CD99: variants seen among roughly 807,000 people sequenced by gnomAD.
CD99 encodes the protein CD99 antigen.
In CD99, 19 loss-of-function variants were observed where a neutral mutation model predicts 28.4. That is an observed-to-expected ratio of 0.67 (90% CI 0.47 to 0.98). The LOEUF is 0.98. CD99 is among the 50% of genes least tolerant of loss of function. CD99 has a pLI of 0.00. For synonymous variants in CD99, 103 were observed against 92.1 expected, an observed-to-expected ratio of 1.12 and a Z score of -0.67; for missense variants, 283 against 248.8, an observed-to-expected ratio of 1.14 and a Z score of -0.92.
Position 2,728,200 on chromosome X carries a change from CTTT to C in CD99, c.475+1847_475+1849del, listed in dbSNP as rs892410632. Reference sequence around the variant, plus strand: ...AGTGGGAAATGGTGTTTGGTTGTTTCTTTTTTTTTTTTTTTTTTTTTTGAGATG... The same window carrying C: ...AGTGGGAAATGGTGTTTGGTTGTTTCTTTTTTTTTTTTTTTTTTTGAGATG... On this transcript the variant is annotated intron_variant, in intron 8 of 9. Transcript: ENST00000381192. Among the ~76,000 whole-genome samples the C allele has an allele frequency of 4.7e-3, 500 of 106,922 alleles. 12 individuals are homozygous for C. In the East Asian group the frequency reaches 0.089, roughly 19 times the overall value. 70.1% of individuals were successfully genotyped at this position (106,922 alleles called of 152,430 possible).
Position 2,719,960 on chromosome X carries a change from G to T in CD99, c.193+255G>T, listed in dbSNP as rs192846094. On this transcript the variant is annotated intron_variant, in intron 4 of 9. Transcript: ENST00000381192. ...GACAAATGTGCCTACCCTGGCCAGG[G>T]CTGGCTTCACCAGCATGTGACCTGT... Among the ~76,000 whole-genome samples, 171 of 152,270 alleles carry T rather than the reference G, an allele frequency of 1.1e-3. 1 individual carries two copies. The highest frequency in any genetic ancestry group is 4.0e-3 in the African/African-American group (166 of 41,558).
intron 9 of CD99, 71 bp downstream of exon 9, chrX:2,738,327 C>G (rs1338313509): frequency 1.4e-6 from 2 of 1,416,082 alleles, no homozygotes; most frequent in Non-Finnish European, 2.0e-6. Flanking sequence ...CATCCTCTCC[C>G]ATCTTGCTGT....
intron 9 of CD99, among the ~76,000 whole-genome samples, chrX:2,738,593 T>C (rs993144548): frequency 1.3e-5 from 2 of 151,860 alleles, no homozygotes; most frequent in African/African-American, 4.8e-5. Context: ...AGTGTGGTGG[T>C]GGGCGCCTGT....
chrX:2,726,472 C>T, intron 8 of CD99, 99 bp downstream of exon 8: 1 of 794,478 alleles, frequency 1.3e-6, no homozygotes, highest in Non-Finnish European at 2.2e-6. Flanking sequence ...TGGCACGAAA[C>T]AGGTGCACGA....
At position 2,740,941 on chromosome X, in the gene CD99, C is replaced by A. The variant is rs2050162936; in HGVS notation, c.*137C>A. ...CGGCGGATTCTTTGTTTTAATCTTG[C>A]GATGTGCTTTGCTTGTTGCTGGGCG... On this transcript the variant is annotated 3_prime_UTR_variant, in exon 10 of 10. Transcript: ENST00000381192. The A allele has an allele frequency of 2.1e-6, 2 of 968,838 alleles. No homozygotes were observed. Among genetic ancestry groups the A allele is most frequent in the Non-Finnish European group, 3.3e-6 (2 of 600,756 alleles). The allele number at this position is 968,838 out of a possible 1,614,324, so 60.0% of individuals were successfully genotyped here.
intron 1 of CD99, among the ~76,000 whole-genome samples, chrX:2,707,591 G>T (rs143441979): frequency 2.0e-5 from 3 of 152,122 alleles, no homozygotes; most frequent in Non-Finnish European, 2.9e-5. Flanking sequence ...GCCATCTGTC[G>T]TCCGTTCCGC....
At chrX:2,707,008 A>G (rs2048152215) in intron 1 of CD99, among the ~76,000 whole-genome samples, 1 of 151,986 alleles carries the variant, frequency 6.6e-6, no homozygotes, top group African/African-American at 2.4e-5. Context: ...TATGTGAAAC[A>G]CCTGAATGAT....
Position 2,700,510 on chromosome X carries a change from A to G in CD99, c.67+9083A>G, listed in dbSNP as rs771405788. ...CATCCTCCCATTCATTTACCCATCC[A>G]TCCATTCATCCATGCATCCATCCAT... On this transcript the variant is annotated intron_variant, in intron 1 of 9. Coordinates refer to ENST00000381192, the MANE Select transcript of CD99 (RefSeq NM_002414.5). Among the ~76,000 whole-genome samples, 163 of 151,276 alleles carry G rather than the reference A, an allele frequency of 1.1e-3. No individual in the cohort carries two copies. In the South Asian group the frequency reaches 0.033, roughly 30 times the overall value.
chrX:2,692,363 G>T, intron 1 of CD99: 1 of 175,082 alleles, frequency 5.7e-6, no homozygotes, highest in East Asian at 1.7e-4. Flanking sequence ...AGGGCTGGAC[G>T]TATTTAGGAA....
At chrX:2,702,321 A>T (rs1269070973) in intron 1 of CD99, among the ~76,000 whole-genome samples, 1 of 151,896 alleles carries the variant, frequency 6.6e-6, no homozygotes, top group African/African-American at 2.4e-5. Context: ...GTGACCCCCT[A>T]CCCCTACCCC....
chrX:2,718,369 C>CTTTTTTTT (rs750689789), intron 3 of CD99, among the ~76,000 whole-genome samples: 1 of 136,928 alleles, frequency 7.3e-6, no homozygotes, highest in Non-Finnish European at 1.6e-5. Context: ...TTCTTTCTTT[C>CTTTTTTTT]TTTTTTTTTT....
chrX:2,738,446 G>A (rs1335019845), intron 9 of CD99, among the ~76,000 whole-genome samples, 190 bp downstream of exon 9: 1 of 152,120 alleles, frequency 6.6e-6, no homozygotes, highest in African/African-American at 2.4e-5. Context: ...ACTTCCTAGG[G>A]CCTGGGCCTT....
rs2047274458 is a variant in CD99, at chrX:2,691,372, G to T, written c.12G>T (p.Gly4=). 6.3e-7 allele frequency: 1 copy of T among 1,575,534 alleles called. No individual in the cohort carries two copies. Among genetic ancestry groups the T allele is most frequent in the Non-Finnish European group, 8.5e-7 (1 of 1,170,790 alleles). The change falls in exon 1 of 10, where the codon GGG becomes GGT. Residue 4 remains glycine (G), a synonymous_variant. Transcript: ENST00000381192. Reference sequence around the variant, plus strand: ...GCTCTGGGCGCACCATGGCCCGCGGGGCTGCGCTGGCGCTGCTGCTCTTCG... The same window carrying T: ...GCTCTGGGCGCACCATGGCCCGCGGTGCTGCGCTGGCGCTGCTGCTCTTCG... MAR[G]AALALLLFGL... is the part of the protein sequence containing the mutation.
Position 2,733,475 on chromosome X carries a change from C to A in CD99, c.476-4725C>A, listed in dbSNP as rs1337323531. 1.9e-5 allele frequency: 24 copies of A among 1,279,794 alleles called. No individual in the cohort carries two copies. In the Admixed American group the frequency reaches 4.8e-4, roughly 26 times the overall value. 79.3% of individuals were successfully genotyped at this position (1,279,794 alleles called of 1,614,324 possible). On this transcript the variant is annotated intron_variant, in intron 8 of 9. Coordinates refer to ENST00000381192, the MANE Select transcript of CD99 (RefSeq NM_002414.5). ...AGCAAACCCTTCCATCTGCCGCTCC[C>A]CTCGCCCTGCTGGCAAATTCCCACC...
At chrX:2,704,375 A>G (rs1266318264) in intron 1 of CD99, among the ~76,000 whole-genome samples, 2 of 152,064 alleles carry the variant, frequency 1.3e-5, no homozygotes, top group Non-Finnish European at 2.9e-5. Flanking sequence ...ACCTTAGGCC[A>G]CCGCAGACAA....
intron 9 of CD99, among the ~76,000 whole-genome samples, chrX:2,738,989 A>T (rs1407344791): frequency 2.0e-5 from 3 of 151,750 alleles, no homozygotes; most frequent in Non-Finnish European, 2.9e-5. Flanking sequence ...CTGGAACCAC[A>T]GGCGTGCACC....
chrX:2,726,418 T>A, intron 8 of CD99, 45 bp downstream of exon 8: 3 of 1,211,192 alleles, frequency 2.5e-6, no homozygotes, highest in Non-Finnish European at 3.7e-6. Flanking sequence ...CCTTGCTGAT[T>A]GGAAAACTGT....
chrX:2,721,798 C>T (rs1239726626), intron 5 of CD99, among the ~76,000 whole-genome samples: 2 of 152,060 alleles, frequency 1.3e-5, no homozygotes, highest in African/African-American at 2.4e-5. Context: ...TAACTAATCC[C>T]TAATTCTGAA....
Position 2,713,807 on chromosome X carries a change from C to G in CD99, c.68-615C>G, listed in dbSNP as rs192596032. Among the ~76,000 whole-genome samples, 67 of 152,254 alleles carry G rather than the reference C, an allele frequency of 4.4e-4. 1 individual carries two copies. Among genetic ancestry groups the G allele is most frequent in the Non-Finnish European group, 8.8e-5 (6 of 68,010 alleles). ...CTCCAGTTGACCAAACAGTCCAAGT[C>G]GACTTTTCCAAATTTTCCTGAATTT... On this transcript the variant is annotated intron_variant, in intron 1 of 9. Transcript: ENST00000381192.
Sources: allele counts gnomAD v4.1 joint callset (sites outside exome capture counted in the v4.1 genomes callset), GRCh38; gene constraint gnomAD v4.1.1; transcripts MANE v1.5; gene names NCBI Gene and HGNC (gene_info 2026-07-23, HGNC 2026-07-21).